The following TM4SF18 variants were observed in gnomAD, a reference collection of about 807,000 sequenced individuals.
TM4SF18 encodes transmembrane 4 L six family member 18.
A neutral mutation model predicts 23.8 loss-of-function variants in TM4SF18; 22 were observed. The ratio of observed to expected loss-of-function variants is 0.92; its 90% CI spans 0.66 to 1.32. TM4SF18 has a LOEUF of 1.32. Ranked by LOEUF, TM4SF18 falls within the 40% of genes most tolerant of loss-of-function variation. The pLI is 0.00. For missense variants in TM4SF18, 255 were observed against 240.3 expected (o/e 1.06, Z -0.41); for synonymous variants, 87 against 87.9 (o/e 0.99, Z 0.06).
At position 149,333,372 on chromosome 3, in the gene TM4SF18, C is replaced by A. The variant is rs867900204; in HGVS notation, c.11G>T (p.Arg4Leu). ...ACAACTTAGGCAGCCTCCACACTTC[C>A]GAGACCCCATTTTGCCCTGCTTAGA... MGS[R>L]KCGGCLSCLL... is the part of the protein sequence containing the mutation. The change falls in exon 2 of 6, where the codon CGG (arginine) becomes CTG (leucine). Residue 4 changes from arginine (R) to leucine (L), a missense_variant. Coordinates refer to ENST00000296059, the MANE Select transcript of TM4SF18 (RefSeq NM_138786.4). 1 of 1,611,514 alleles carries A rather than the reference C, an allele frequency of 6.2e-7. No individual in the cohort carries two copies. Among genetic ancestry groups the A allele is most frequent in the Admixed American group, 1.7e-5 (1 of 59,756 alleles).
Position 149,322,363 on chromosome 3 carries a change from AT to A in TM4SF18, c.483del (p.Leu161PhefsTer6), listed in dbSNP as rs1304152163. The A allele has an allele frequency of 1.9e-6, 3 of 1,614,002 alleles. No individual in the cohort carries two copies. The highest frequency in any genetic ancestry group is 4.5e-5 in the East Asian group (2 of 44,880). On this transcript the variant is annotated frameshift_variant, in exon 5 of 6. Transcript: ENST00000296059. LOFTEE classifies it high-confidence loss of function. ...CCACTGAGGGTTATGAGAATGGAAA[AT>A]AAAATGATGTTCCACTCCACAACAT... is the stretch of plus-strand genomic sequence containing the variant. The part of the protein sequence containing the change: ...PAHVVEWNII[L>X]FSILITLSGL...
chr3:149,333,480 C>CTTT (rs1276134709), intron 1 of TM4SF18, 33 bp downstream of exon 1: 166 of 391,368 alleles, frequency 4.2e-4, no homozygotes, highest in East Asian at 2.7e-3. Flanking sequence ...CTCTCTCTCT[C>CTTT]TCTTTTTTTT....
chr3:149,326,586 A>G (rs1377912080), intron 3 of TM4SF18, among the ~76,000 whole-genome samples: 1 of 152,204 alleles, frequency 6.6e-6, no homozygotes, highest in Non-Finnish European at 1.5e-5. Flanking sequence ...ATTACCAGCA[A>G]TCACTGTGGT....
chr3:149,326,458 C>T (rs1464214107), intron 3 of TM4SF18, among the ~76,000 whole-genome samples: 1 of 152,148 alleles, frequency 6.6e-6, no homozygotes, highest in Non-Finnish European at 1.5e-5. Context: ...GTACATTTTC[C>T]TCTTGGCAAT....
In TM4SF18 at chr3:149,333,483, T is replaced by TC. The variant is rs1553772229; in HGVS notation, c.-18+29_-18+30insG. The TC allele has an allele frequency of 3.2e-3, 1,674 of 517,210 alleles. 17 individuals are homozygous for TC. In the African/African-American group the frequency reaches 0.039, roughly 12 times the overall value. The allele number at this position is 517,210 out of a possible 1,614,324, so 32.0% of individuals were successfully genotyped here. A position where few individuals can be genotyped will look rare whatever the true frequency, so the allele number is the denominator to read the frequency against. On this transcript the variant is annotated intron_variant, in intron 1 of 5. Coordinates refer to ENST00000296059, the MANE Select transcript of TM4SF18 (RefSeq NM_138786.4). ...GACCTTTTTTTTCTCTCTCTCTCTC[T>TC]TTTTTTTTTTTTTTTTTGAGATTAC...
chr3:149,325,804 G>C (rs553921242), intron 3 of TM4SF18, among the ~76,000 whole-genome samples: 1 of 152,224 alleles, frequency 6.6e-6, no homozygotes, highest in South Asian at 2.1e-4. Flanking sequence ...TTATCCTTCA[G>C]GGCAAGGGAC....
chr3:149,332,941 T>C (rs375501131), intron 2 of TM4SF18, among the ~76,000 whole-genome samples: 1 of 152,198 alleles, frequency 6.6e-6, no homozygotes, highest in East Asian at 1.9e-4. Context: ...GAGAACATAC[T>C]GTTTTTACAG....
At chr3:149,323,092 G>T (rs991834772) in intron 4 of TM4SF18, among the ~76,000 whole-genome samples, 35 of 152,046 alleles carry the variant, frequency 2.3e-4, no homozygotes, top group Non-Finnish European at 4.4e-4. Context: ...TAGAGACGGG[G>T]TTTCACCGTG....
At chr3:149,324,797 C>CA (rs1423395960) in intron 4 of TM4SF18, 83 bp downstream of exon 4, 1 of 1,571,098 alleles carries the variant, frequency 6.4e-7, no homozygotes, top group African/African-American at 1.4e-5. Flanking sequence ...CCAAAGTGAT[C>CA]ATGGAAAATG....
At chr3:149,329,644 G>A (rs929938779) in intron 3 of TM4SF18, among the ~76,000 whole-genome samples, 2 of 152,316 alleles carry the variant, frequency 1.3e-5, no homozygotes, top group Admixed American at 6.5e-5. Context: ...ATGAAGAGGA[G>A]GAAGAGGATG....
Position 149,321,363 on chromosome 3 carries a change from TA to T in TM4SF18, c.*114del, listed in dbSNP as rs1019583097. ...GTGAGGACTGCAAATTTTTTACAAA[TA>T]AACACCAAATGCAGAAAGCACCATC... On this transcript the variant is annotated 3_prime_UTR_variant, in exon 6 of 6. Coordinates refer to ENST00000296059, the MANE Select transcript of TM4SF18 (RefSeq NM_138786.4). 47 of 770,664 alleles carry T rather than the reference TA, an allele frequency of 6.1e-5. No homozygotes were observed. The highest frequency in any genetic ancestry group is 8.9e-5 in the Non-Finnish European group (45 of 504,886). The allele number at this position is 770,664 out of a possible 1,614,324, so 47.7% of individuals were successfully genotyped here.
rs1730802842 is a variant in TM4SF18, at chr3:149,321,387, A to G, written c.*91T>C. On this transcript the variant is annotated 3_prime_UTR_variant, in exon 6 of 6. Transcript: ENST00000296059. ...ATAAACACCAAATGCAGAAAGCACCATCATTTCAATATTGCCCTCAAGTCT... is the reference window on the plus strand; with the variant it reads ...ATAAACACCAAATGCAGAAAGCACCGTCATTTCAATATTGCCCTCAAGTCT... The G allele has an allele frequency of 1.0e-6, 1 of 977,502 alleles. No individual in the cohort carries two copies. The highest frequency in any genetic ancestry group is 1.5e-6 in the Non-Finnish European group (1 of 680,072). 60.6% of individuals were successfully genotyped at this position (977,502 alleles called of 1,614,324 possible). A position where few individuals can be genotyped will look rare whatever the true frequency, so the allele number is the denominator to read the frequency against.
At chr3:149,326,137 A>C (rs1730939475) in intron 3 of TM4SF18, among the ~76,000 whole-genome samples, 1 of 152,116 alleles carries the variant, frequency 6.6e-6, no homozygotes, top group Non-Finnish European at 1.5e-5. Flanking sequence ...TGTAACTTTT[A>C]AATTTTTTTT....
In TM4SF18 at chr3:149,333,410, T is replaced by G. The variant is rs769786142; in HGVS notation, c.-17-11A>C. ...TGCCCTGCTTAGAACCTGCGGGAGA[T>G]TTCAAGAGTATACAGTCACAGAAAG... On this transcript the variant is annotated splice_polypyrimidine_tract_variant and intron_variant, in intron 1 of 5. Coordinates refer to ENST00000296059, the MANE Select transcript of TM4SF18 (RefSeq NM_138786.4). The G allele has an allele frequency of 3.8e-6, 6 of 1,576,062 alleles. No homozygotes were observed. The highest frequency in any genetic ancestry group is 5.2e-6 in the Non-Finnish European group (6 of 1,158,244).
Position 149,321,246 on chromosome 3 carries a change from G to A in TM4SF18, c.*232C>T, listed in dbSNP as rs1192007664. Reference sequence around the variant, plus strand: ...AGTACAGATTCTTGGAAATGGATTTGTTTGATCAAAGGGCAGAAGTATTTC... The same window carrying A: ...AGTACAGATTCTTGGAAATGGATTTATTTGATCAAAGGGCAGAAGTATTTC... On this transcript the variant is annotated 3_prime_UTR_variant, in exon 6 of 6. Coordinates refer to ENST00000296059, the MANE Select transcript of TM4SF18 (RefSeq NM_138786.4). 2.7e-6 allele frequency: 1 copy of A among 372,366 alleles called. No individual in the cohort carries two copies. The highest frequency in any genetic ancestry group is 2.1e-5 in the African/African-American group (1 of 47,748). 23.1% of individuals were successfully genotyped at this position (372,366 alleles called of 1,614,324 possible).
Position 149,322,455 on chromosome 3 carries a change from C to A in TM4SF18, c.411-19G>T. The A allele has an allele frequency of 6.2e-7, 1 of 1,604,692 alleles. No individual in the cohort carries two copies. The highest frequency in any genetic ancestry group is 2.2e-5 in the East Asian group (1 of 44,726). On this transcript the variant is annotated intron_variant, in intron 4 of 5. Transcript: ENST00000296059. ...AAGGAAACTGAGAGAGACCCATGGC[C>A]AAATCTACATACTGGGTCCAAGGAA...
At chr3:149,330,215 G>T in intron 3 of TM4SF18, 115 bp downstream of exon 3, 1 of 613,182 alleles carries the variant, frequency 1.6e-6, no homozygotes, top group Non-Finnish European at 2.8e-6. Flanking sequence ...CTTGATCTCT[G>T]TACTGTACTC....
In TM4SF18 at chr3:149,330,416, G is replaced by A. The variant is rs1322164319; in HGVS notation, c.181C>T (p.Leu61Phe). The A allele has an allele frequency of 6.3e-7, 1 of 1,586,326 alleles. No individual in the cohort carries two copies. The highest frequency in any genetic ancestry group is 1.3e-5 in the African/African-American group (1 of 74,118). Reference sequence around the variant, plus strand: ...ACCAGAAGAACTGTTGTTACTATAAGCATCTATAGGAGGGAAGACATAAAA... The same window carrying A: ...ACCAGAAGAACTGTTGTTACTATAAACATCTATAGGAGGGAAGACATAAAA... The part of the protein sequence containing the change: ...EGICFSGIMM[L>F]IVTTVLLVLE... The change falls in exon 3 of 6, where the codon CTT becomes TTT. Residue 61 changes from leucine to phenylalanine, a missense_variant. Transcript: ENST00000296059.
chr3:149,327,023 C>T (rs189585337), intron 3 of TM4SF18, among the ~76,000 whole-genome samples: 1 of 152,294 alleles, frequency 6.6e-6, no homozygotes, highest in Admixed American at 6.5e-5. Context: ...GATCATGGCT[C>T]ACTGCAACCT....
Sources: allele counts gnomAD v4.1 joint callset (sites outside exome capture counted in the v4.1 genomes callset), GRCh38; gene constraint gnomAD v4.1.1; transcripts MANE v1.5; gene names NCBI Gene and HGNC (gene_info 2026-07-23, HGNC 2026-07-21).